The following LRRC37A2 variants were observed in gnomAD, a reference collection of about 807,000 sequenced individuals.
LRRC37A2 encodes leucine rich repeat containing 37 member A2.
In LRRC37A2, 9 loss-of-function variants were observed where a neutral mutation model predicts 68.8. The ratio of observed to expected loss-of-function variants is 0.13; its 90% CI spans 0.08 to 0.23. The LOEUF (loss-of-function observed/expected upper bound fraction) is 0.23, where lower values mean the gene tolerates loss of function less well. Among genes scored for constraint, LRRC37A2 ranks in the 10% least tolerant of loss-of-function variants. LRRC37A2 has a pLI of 1.00. For missense variants in LRRC37A2, 168 were observed against 950.4 expected (o/e 0.18, Z 10.82); for synonymous variants, 63 against 367.6 (o/e 0.17, Z 9.48).
At chr17:46,823,071 T>C in the LRRC37A2 span, among the ~76,000 whole-genome samples, 2 of 130,776 alleles carry the variant, frequency 1.5e-5, no homozygotes, top group African/African-American at 2.9e-5. Context: ...TTATAATAAA[T>C]ATGTATTTAT....
chr17:46,945,038 G>A, the LRRC37A2 span, among the ~76,000 whole-genome samples: 163 of 152,354 alleles, frequency 1.1e-3, 1 homozygote, highest in African/African-American at 3.8e-3. Flanking sequence ...CCGAGGTTGA[G>A]AGGTGATAGT....
At chr17:46,873,083 T>C in the LRRC37A2 span, among the ~76,000 whole-genome samples, 1 of 125,640 alleles carries the variant, frequency 8.0e-6, no homozygotes, top group African/African-American at 3.2e-5. Flanking sequence ...TCCCTCTGCC[T>C]CTTCACACAC....
chr17:46,966,475 G>A, the LRRC37A2 span: 3 of 651,794 alleles, frequency 4.6e-6, no homozygotes, highest in East Asian at 8.5e-5. Context: ...AGCCTCCAGG[G>A]TAGTTGGAAC....
the LRRC37A2 span, among the ~76,000 whole-genome samples, chr17:46,727,426 A>G: frequency 6.6e-6 from 1 of 152,196 alleles, no homozygotes; most frequent in East Asian, 1.9e-4. Flanking sequence ...ACTTAATAAC[A>G]TCTGAAAATA....
chr17:46,852,025 C>T, the LRRC37A2 span, among the ~76,000 whole-genome samples: 3 of 152,306 alleles, frequency 2.0e-5, no homozygotes, highest in African/African-American at 7.2e-5. Context: ...CCCCGTCCGC[C>T]CCGGCCCCGC....
chr17:46,962,351 C>T, the LRRC37A2 span, among the ~76,000 whole-genome samples: 5 of 149,698 alleles, frequency 3.3e-5, no homozygotes, highest in African/African-American at 7.4e-5. Flanking sequence ...AAGTATTGAT[C>T]AGTGTAGTAG....
chr17:46,586,380 TCACA>T, the LRRC37A2 span, among the ~76,000 whole-genome samples: 11 of 17,446 alleles, frequency 6.3e-4, 5 homozygotes, highest in Non-Finnish European at 3.4e-3. Context: ...TCTCTCTCTG[TCACA>T]CACACACACA....
At chr17:46,685,424 T>C in the LRRC37A2 span, among the ~76,000 whole-genome samples, 4 of 151,804 alleles carry the variant, frequency 2.6e-5, no homozygotes, top group Non-Finnish European at 4.4e-5. Flanking sequence ...TGTTACATAA[T>C]AAAGAAAAAC....
the LRRC37A2 span, among the ~76,000 whole-genome samples, chr17:46,716,139 A>T: frequency 6.6e-6 from 1 of 152,358 alleles, no homozygotes; most frequent in Admixed American, 6.5e-5. Flanking sequence ...GGTTGACAAA[A>T]GCCTGAGGGG....
chr17:47,015,256 C>T, the LRRC37A2 span, among the ~76,000 whole-genome samples: 1 of 152,200 alleles, frequency 6.6e-6, no homozygotes, highest in African/African-American at 2.4e-5. Context: ...GATCCACCCA[C>T]CTTGGCGTCC....
chr17:46,828,421 T>C, the LRRC37A2 span, among the ~76,000 whole-genome samples: 2 of 152,032 alleles, frequency 1.3e-5, no homozygotes, highest in Admixed American at 1.3e-4. Context: ...CAGGGTGGTC[T>C]TGAACTCCTG....
the LRRC37A2 span, among the ~76,000 whole-genome samples, chr17:46,899,144 C>G: frequency 6.6e-6 from 1 of 152,102 alleles, no homozygotes; most frequent in Non-Finnish European, 1.5e-5. Flanking sequence ...AATCGCAGCA[C>G]TATGGGAGGC....
the LRRC37A2 span, among the ~76,000 whole-genome samples, chr17:46,982,102 C>T: frequency 2.6e-4 from 39 of 152,246 alleles, no homozygotes; most frequent in African/African-American, 5.8e-4. Context: ...GCTGGCCTGG[C>T]GCAAAGGCAT....
chr17:47,033,313 C>A, the LRRC37A2 span: 3 of 694,250 alleles, frequency 4.3e-6, no homozygotes, highest in Non-Finnish European at 5.2e-6. Flanking sequence ...CCTGAAAAAG[C>A]ATTTACGTGA....
the LRRC37A2 span, among the ~76,000 whole-genome samples, chr17:47,013,712 T>A: frequency 6.4e-4 from 98 of 152,380 alleles, no homozygotes; most frequent in African/African-American, 2.3e-3. Flanking sequence ...AGATTCTGAA[T>A]TGATCCTTGC....
At chr17:46,745,159 A>T in the LRRC37A2 span, among the ~76,000 whole-genome samples, 428 of 152,224 alleles carry the variant, frequency 2.8e-3, 3 homozygotes, top group Non-Finnish European at 4.3e-3. Context: ...TTTGTTTTTA[A>T]AGCTGCATCC....
chr17:46,732,959 G>T, the LRRC37A2 span, among the ~76,000 whole-genome samples: 1 of 152,210 alleles, frequency 6.6e-6, no homozygotes, highest in East Asian at 1.9e-4. Flanking sequence ...TCACACAGAG[G>T]TTTCACATGT....
chr17:46,933,464 G>A, the LRRC37A2 span: 4 of 152,182 alleles, frequency 2.6e-5, no homozygotes, highest in Admixed American at 2.6e-4. Context: ...CTGGGCATTA[G>A]CTGCATGCAG....
the LRRC37A2 span, among the ~76,000 whole-genome samples, chr17:47,028,019 G>A: frequency 1.3e-5 from 2 of 152,220 alleles, no homozygotes; most frequent in Non-Finnish European, 2.9e-5. Flanking sequence ...TGGCACTGAA[G>A]TTGTGAAATC....
Sources: allele counts gnomAD v4.1 joint callset (sites outside exome capture counted in the v4.1 genomes callset), GRCh38; gene constraint gnomAD v4.1.1; transcripts MANE v1.5; gene names NCBI Gene and HGNC (gene_info 2026-07-23, HGNC 2026-07-21).